The following CA8 variants were observed in gnomAD, a reference collection of about 807,000 sequenced individuals.
CA8 encodes carbonic anhydrase 8 (inactive), also known as carbonic anhydrase-related protein.
CA8 carries 22 observed loss-of-function variants against 41.4 expected under a neutral mutation model. The observed-to-expected ratio is 0.53, with a 90% CI of 0.38 to 0.76. The LOEUF (loss-of-function observed/expected upper bound fraction) is 0.76, where lower values mean the gene tolerates loss of function less well. CA8 is among the 30% of genes least tolerant of loss of function. CA8 has a pLI of 0.00. For synonymous variants in CA8, 121 were observed against 130.6 expected (o/e 0.93, Z 0.50); for missense variants, 270 against 352.8 (o/e 0.77, Z 1.88).
In CA8 at chr8:60,189,921, C is replaced by T. The variant is rs1194573141; in HGVS notation, c.*100G>A. 2 of 151,262 alleles carry T rather than the reference C, an allele frequency of 1.3e-5. No homozygotes were observed. The highest frequency in any genetic ancestry group is 6.6e-5 in the Admixed American group (1 of 15,128). 9.4% of individuals were successfully genotyped at this position (151,262 alleles called of 1,614,324 possible). A position where few individuals can be genotyped will look rare whatever the true frequency, so the allele number is the denominator to read the frequency against. On this transcript the variant is annotated 3_prime_UTR_variant, in exon 9 of 9. Coordinates refer to ENST00000317995, the MANE Select transcript of CA8 (RefSeq NM_004056.6). Reference sequence around the variant, plus strand: ...AAACAACGCAGGCTTTGAGGATAAACTGAAGGTGCAGCTCAAAAGTTTCCT... The same window carrying T: ...AAACAACGCAGGCTTTGAGGATAAATTGAAGGTGCAGCTCAAAAGTTTCCT...
At chr8:60,265,828 A>C in intron 3 of CA8, 97 bp downstream of exon 3, 1 of 1,306,862 alleles carries the variant, frequency 7.7e-7, no homozygotes, top group Non-Finnish European at 1.1e-6. Flanking sequence ...AAAATTCAAG[A>C]GCTATGCATC....
chr8:60,261,986 A>C (rs889731643), intron 3 of CA8, among the ~76,000 whole-genome samples: 1 of 152,206 alleles, frequency 6.6e-6, no homozygotes, highest in Admixed American at 6.5e-5. Flanking sequence ...CTGGGATTAC[A>C]GGTGTGAGCC....
chr8:60,266,731 C>T (rs1803912615), intron 2 of CA8, among the ~76,000 whole-genome samples: 1 of 152,180 alleles, frequency 6.6e-6, no homozygotes, highest in African/African-American at 2.4e-5. Flanking sequence ...AACAAGAGCA[C>T]ACTAAAGGAT....
At position 60,279,747 on chromosome 8, in the gene CA8, T is replaced by C; in HGVS notation, c.234A>G (p.Arg78=). ...VRLSPNYVVC[R]DCEVTNDGHT... The stretch of plus-strand genomic sequence containing the variant: ...GTCCATCATTGGTGACTTCACAGTC[T>C]CGGCACACCACATAATTTGGGGAGA... The change falls in exon 2 of 9, where the codon CGA becomes CGG. Residue 78 remains arginine, a synonymous_variant. Coordinates refer to ENST00000317995, the MANE Select transcript of CA8 (RefSeq NM_004056.6). 1 of 1,614,196 alleles carries C rather than the reference T, an allele frequency of 6.2e-7. No individual in the cohort carries two copies. The highest frequency in any genetic ancestry group is 8.5e-7 in the Non-Finnish European group (1 of 1,180,040).
chr8:60,253,239 A>C (rs1808512044), intron 3 of CA8, among the ~76,000 whole-genome samples: 2 of 152,156 alleles, frequency 1.3e-5, no homozygotes, highest in African/African-American at 4.8e-5. Flanking sequence ...TATCTCAAAA[A>C]AATAAATAAA....
At chr8:60,264,392 C>T (rs6471857) in intron 3 of CA8, among the ~76,000 whole-genome samples, 77,023 of 152,126 alleles carry the variant, frequency 0.51, 21,547 homozygotes, top group African/African-American at 0.77. Context: ...GGCAAAGGCG[C>T]TGACAGTCCA....
rs528594297 is a variant in CA8 at position 60,279,972 on chromosome 8, T to C, written c.101-92A>G. On this transcript the variant is annotated intron_variant, in intron 1 of 8. Transcript: ENST00000317995. ...AAAACTAAACACTTAGAACCCTTGA[T>C]ATCATGAAGAGAGTAATGATACCAT... 5.6e-4 allele frequency: 566 copies of C among 1,010,576 alleles called. 9 individuals are homozygous for C. The South Asian group carries it at 8.2e-3, about 15-fold the overall frequency. The allele number at this position is 1,010,576 out of a possible 1,614,324, so 62.6% of individuals were successfully genotyped here.
intron 7 of CA8, among the ~76,000 whole-genome samples, chr8:60,212,863 T>C (rs1399625899): frequency 6.6e-6 from 1 of 152,202 alleles, no homozygotes; most frequent in African/African-American, 2.4e-5. Flanking sequence ...GTGACAGATA[T>C]TTTATGACCT....
At chr8:60,222,463 A>G (rs1807285395) in intron 7 of CA8, among the ~76,000 whole-genome samples, 186 bp downstream of exon 7, 1 of 152,234 alleles carries the variant, frequency 6.6e-6, no homozygotes, top group Non-Finnish European at 1.5e-5. Flanking sequence ...TAGACCATAA[A>G]TTAGTGTTGG....
intron 2 of CA8, 122 bp downstream of exon 2, chr8:60,279,567 G>C (rs1585944211): frequency 1.2e-6 from 1 of 834,976 alleles, no homozygotes; most frequent in East Asian, 2.6e-5. Context: ...ATAATACAAA[G>C]GTATCCTGAA....
intron 3 of CA8, among the ~76,000 whole-genome samples, chr8:60,257,258 G>C (rs968187444): frequency 1.2e-4 from 18 of 152,238 alleles, no homozygotes; most frequent in African/African-American, 4.3e-4. Context: ...GATTAAAAGC[G>C]TGAGCCACTG....
At chr8:60,256,670 T>C (rs557829055) in intron 3 of CA8, among the ~76,000 whole-genome samples, 3 of 152,348 alleles carry the variant, frequency 2.0e-5, no homozygotes, top group Non-Finnish European at 4.4e-5. Context: ...CTATCATCAT[T>C]TGACTCAATT....
intron 3 of CA8, among the ~76,000 whole-genome samples, chr8:60,249,781 A>G (rs1335360345): frequency 2.6e-5 from 4 of 152,358 alleles, no homozygotes; most frequent in Admixed American, 2.6e-4. Context: ...AAGCAATTTT[A>G]AGAGTCTAAA....
chr8:60,251,862 G>T (rs1808463515), intron 3 of CA8, among the ~76,000 whole-genome samples: 1 of 152,138 alleles, frequency 6.6e-6, no homozygotes, highest in Admixed American at 6.5e-5. Context: ...ATGTGCTCAA[G>T]AAACAAAAGT....
chr8:60,258,415 G>A (rs1803620175), intron 3 of CA8, among the ~76,000 whole-genome samples: 1 of 152,118 alleles, frequency 6.6e-6, no homozygotes, highest in South Asian at 2.1e-4. Context: ...CCTACTGGGA[G>A]TCTAGAAATG....
intron 2 of CA8, among the ~76,000 whole-genome samples, chr8:60,277,816 C>T (rs1804290045): frequency 6.6e-6 from 1 of 152,014 alleles, no homozygotes; most frequent in South Asian, 2.1e-4. Context: ...GGTTACTTTT[C>T]TTGAGTTTGC....
intron 3 of CA8, among the ~76,000 whole-genome samples, chr8:60,253,174 G>A (rs1193569144): frequency 6.6e-6 from 1 of 152,152 alleles, no homozygotes; most frequent in East Asian, 1.9e-4. Context: ...GGTGGAGGCT[G>A]CAGTGAGCCA....
At chr8:60,204,065 C>A (rs555867275) in intron 8 of CA8, among the ~76,000 whole-genome samples, 1 of 152,304 alleles carries the variant, frequency 6.6e-6, no homozygotes, top group African/African-American at 2.4e-5. Flanking sequence ...TAGTCTTCCT[C>A]AAAAACCCAC....
intron 2 of CA8, among the ~76,000 whole-genome samples, chr8:60,274,753 T>A (rs1028804113): frequency 6.6e-6 from 1 of 152,128 alleles, no homozygotes; most frequent in Non-Finnish European, 1.5e-5. Flanking sequence ...GATATTGGAC[T>A]TCCGAGTCTC....
Sources: gnomAD v4.1 joint callset for allele counts (sites outside exome capture counted in the v4.1 genomes callset) on GRCh38, gnomAD v4.1.1 for gene constraint, MANE v1.5 for transcripts, NCBI Gene and HGNC (gene_info 2026-07-23, HGNC 2026-07-21) for gene names.